The following ACSF2 variants were observed in gnomAD, a reference collection of about 807,000 sequenced individuals.
The protein encoded by ACSF2 is medium-chain acyl-CoA ligase ACSF2, mitochondrial.
ACSF2 carries 52 observed loss-of-function variants against 79.3 expected under a neutral mutation model. The observed-to-expected ratio is 0.66, with a 90% CI of 0.53 to 0.83. ACSF2 has a LOEUF of 0.83. Among genes scored for constraint, ACSF2 ranks in the 40% least tolerant of loss-of-function variants. ACSF2 has a pLI of 0.00. For missense variants in ACSF2, 661 were observed against 803.3 expected (o/e 0.82, Z 2.14); for synonymous variants, 283 against 312.6 (o/e 0.91, Z 1.00).
intron 1 of ACSF2, among the ~76,000 whole-genome samples, chr17:50,446,444 GACGGGGTTTC>G (rs1477575234): frequency 2.0e-5 from 3 of 152,108 alleles, no homozygotes; most frequent in African/African-American, 7.2e-5. Context: ...TTTTAGTAGA[GACGGGGTTTC>G]ACCATGTTGG....
intron 1 of ACSF2, among the ~76,000 whole-genome samples, chr17:50,444,211 C>T (rs1232805618): frequency 6.6e-6 from 1 of 152,010 alleles, no homozygotes; most frequent in East Asian, 1.9e-4. Flanking sequence ...TTTTTGGCCC[C>T]GGTGGTGTAA....
chr17:50,427,338 G>A (rs921024047), intron 1 of ACSF2, among the ~76,000 whole-genome samples: 73 of 152,162 alleles, frequency 4.8e-4, no homozygotes, highest in African/African-American at 1.7e-3. Flanking sequence ...TTTTTGGCTA[G>A]AACTCCAAGA....
chr17:50,443,899 T>TA (rs59034163), intron 1 of ACSF2, among the ~76,000 whole-genome samples: 1 of 152,234 alleles, frequency 6.6e-6, no homozygotes, highest in South Asian at 2.1e-4. Flanking sequence ...TAGCTTATCT[T>TA]AAAATAACCT....
intron 1 of ACSF2, among the ~76,000 whole-genome samples, chr17:50,448,858 C>T (rs1160770740): frequency 6.6e-6 from 1 of 151,996 alleles, no homozygotes; most frequent in African/African-American, 2.4e-5. Flanking sequence ...ATCAGGCAGT[C>T]GTGCACCAGA....
At chr17:50,459,746 C>T (rs2032220843) in intron 1 of ACSF2, among the ~76,000 whole-genome samples, 1 of 152,126 alleles carries the variant, frequency 6.6e-6, no homozygotes, top group Non-Finnish European at 1.5e-5. Context: ...CAGGCCTCTA[C>T]CCAGACCTGT....
At chr17:50,439,232 C>CCTT (rs1296228793) in intron 1 of ACSF2, among the ~76,000 whole-genome samples, 3 of 96,464 alleles carry the variant, frequency 3.1e-5, no homozygotes, top group African/African-American at 4.7e-5. Flanking sequence ...TACCACACAG[C>CCTT]TTTTTTTTTT....
intron 1 of ACSF2, among the ~76,000 whole-genome samples, chr17:50,435,231 C>G (rs2030299822): frequency 6.6e-6 from 1 of 152,154 alleles, no homozygotes; most frequent in South Asian, 2.1e-4. Flanking sequence ...GCTCATTAAC[C>G]TTGACAAAAA....
chr17:50,470,071 A>G (rs1225783612), intron 10 of ACSF2: 1 of 152,802 alleles, frequency 6.5e-6, no homozygotes, highest in East Asian at 1.9e-4. Context: ...CAGAACCCAC[A>G]TTGAACCAAA....
At position 50,463,387 on chromosome 17, in the gene ACSF2, A is replaced by G. The variant is rs760601624; in HGVS notation, c.889-8A>G. 1.1e-5 allele frequency: 18 copies of G among 1,613,542 alleles called. No individual in the cohort carries two copies. The South Asian group carries it at 1.4e-4, about 13-fold the overall frequency. On this transcript the variant is annotated splice_polypyrimidine_tract_variant and splice_region_variant and intron_variant, in intron 7 of 15. Coordinates refer to ENST00000300441, the MANE Select transcript of ACSF2 (RefSeq NM_025149.6). This position sits in a 1 kb window ranked among gnomAD's most constrained non-coding sequence, Gnocchi z 4.6. ...AAGACAGACCCAGCCTCCTGTCTCC[A>G]TCACCAGACACCAGAGCAGTTGCGG...
chr17:50,446,632 C>T (rs1274182866), intron 1 of ACSF2, among the ~76,000 whole-genome samples: 2 of 152,174 alleles, frequency 1.3e-5, no homozygotes, highest in Admixed American at 6.5e-5. Context: ...CAGAACATGA[C>T]CAGAAACCAG....
chr17:50,466,723 C>G (rs780567346), intron 10 of ACSF2, among the ~76,000 whole-genome samples: 1 of 152,220 alleles, frequency 6.6e-6, no homozygotes, highest in African/African-American at 2.4e-5. Flanking sequence ...CTTGGTGGAG[C>G]CTTTGGCCAG....
Position 50,463,282 on chromosome 17 carries a change from G to T in ACSF2, c.888+31G>T. ...GCGGCACTAGGCCCAGGGCAAGGCT[G>T]CAGGAGGGGTGGCTCAGGCAGGGGT... is the stretch of plus-strand genomic sequence containing the variant. On this transcript the variant is annotated intron_variant, in intron 7 of 15. Transcript: ENST00000300441. This position sits in a 1 kb window ranked among gnomAD's most constrained non-coding sequence, Gnocchi z 4.6. 6.2e-7 allele frequency: 1 copy of T among 1,613,330 alleles called. No homozygotes were observed. Among genetic ancestry groups the T allele is most frequent in the Non-Finnish European group, 8.5e-7 (1 of 1,179,526 alleles).
intron 10 of ACSF2, among the ~76,000 whole-genome samples, chr17:50,469,441 G>T (rs1338403624): frequency 6.6e-6 from 1 of 152,158 alleles, no homozygotes; most frequent in Non-Finnish European, 1.5e-5. Context: ...CAGACTCGAC[G>T]CGCCGAAGCT....
intron 1 of ACSF2, among the ~76,000 whole-genome samples, chr17:50,435,284 A>T (rs1394997365): frequency 6.6e-6 from 1 of 152,226 alleles, no homozygotes; most frequent in East Asian, 1.9e-4. Flanking sequence ...TCAATGTTTC[A>T]GAGTTCTGTA....
chr17:50,444,636 A>AACAC (rs72392656), intron 1 of ACSF2, among the ~76,000 whole-genome samples: 8,908 of 148,004 alleles, frequency 0.06, 354 homozygotes, highest in African/African-American at 0.11. Context: ...TCTCTCTGCA[A>AACAC]ACACACACAC....
intron 1 of ACSF2, among the ~76,000 whole-genome samples, chr17:50,459,430 A>T (rs1229506639): frequency 6.6e-6 from 1 of 152,254 alleles, no homozygotes; most frequent in East Asian, 1.9e-4. Context: ...TTTCATAGAG[A>T]CAGGGTTTCC....
chr17:50,472,075 AT>A (rs1386749484), intron 11 of ACSF2: 4 of 228,738 alleles, frequency 1.7e-5, no homozygotes, highest in African/African-American at 9.3e-5. Context: ...TTGCTGCTTA[AT>A]GGGAAGTAAG....
chr17:50,451,514 A>G (rs143156302), intron 1 of ACSF2, among the ~76,000 whole-genome samples: 2 of 152,198 alleles, frequency 1.3e-5, no homozygotes, highest in African/African-American at 4.8e-5. Flanking sequence ...CAATGGCACA[A>G]TGTTGGCTCA....
Position 50,426,404 on chromosome 17 carries a change from C to A in ACSF2, c.128+15C>A. On this transcript the variant is annotated intron_variant, in intron 1 of 15. Transcript: ENST00000300441. ...CGCTTCCTCAGGTACTGGCCCCCCGCGGGAAGAGAGGGGGCGGGGCAGTTC... is the reference window on the plus strand; with the variant it reads ...CGCTTCCTCAGGTACTGGCCCCCCGAGGGAAGAGAGGGGGCGGGGCAGTTC... 1 of 1,313,652 alleles carries A rather than the reference C, an allele frequency of 7.6e-7. No individual in the cohort carries two copies. Among genetic ancestry groups the A allele is most frequent in the Non-Finnish European group, 9.8e-7 (1 of 1,024,288 alleles). 81.4% of individuals were successfully genotyped at this position (1,313,652 alleles called of 1,614,324 possible). A position where few individuals can be genotyped will look rare whatever the true frequency, so the allele number is the denominator to read the frequency against.
Sources: allele counts gnomAD v4.1 joint callset (sites outside exome capture counted in the v4.1 genomes callset), GRCh38; gene constraint gnomAD v4.1.1; non-coding constraint Gnocchi (gnomAD v3.1); transcripts MANE v1.5; gene names NCBI Gene and HGNC (gene_info 2026-07-23, HGNC 2026-07-21).